The following AARSD1 variants were observed in gnomAD, a reference collection of about 807,000 sequenced individuals.
AARSD1 encodes the protein alanyl-tRNA synthetase domain containing 1.
Under a neutral mutation model 48.7 loss-of-function variants are expected in AARSD1, and 44 were observed. The observed-to-expected ratio is 0.90, with a 90% CI of 0.71 to 1.16. The LOEUF is 1.16. Ranked by LOEUF, AARSD1 falls within the 50% of genes most tolerant of loss-of-function variation. The pLI, the probability that AARSD1 is intolerant of heterozygous loss-of-function variation, is 0.00. For missense variants in AARSD1, 511 were observed against 523.1 expected (o/e 0.98, Z 0.23); for synonymous variants, 189 against 194.9 (o/e 0.97, Z 0.25).
In AARSD1 at chr17:42,954,806, T is replaced by C. The variant is rs554534421; in HGVS notation, c.953+70A>G. On this transcript the variant is annotated intron_variant, in intron 9 of 11. Transcript: ENST00000427569. ...AATCCACCTCCCACTGTACATTGCA[T>C]ATAGAGAAGACACTGAGCCCTAAGC... The C allele has an allele frequency of 2.0e-5, 31 of 1,518,444 alleles. No homozygotes were observed. The African/African-American group carries it at 4.0e-4, about 19-fold the overall frequency. 94.1% of individuals were successfully genotyped at this position (1,518,444 alleles called of 1,614,324 possible).
chr17:42,950,795 C>G, intron 11 of AARSD1, 67 bp from the exon 12 acceptor site: 1 of 1,551,684 alleles, frequency 6.4e-7, no homozygotes, highest in Non-Finnish European at 8.6e-7. Context: ...AAGGGCAGCT[C>G]TGAGTCTTTT....
chr17:42,963,126 C>T (rs576514502), intron 2 of AARSD1, among the ~76,000 whole-genome samples: 31 of 151,640 alleles, frequency 2.0e-4, no homozygotes, highest in African/African-American at 6.0e-4. Flanking sequence ...CTGTCCCCCA[C>T]GCTGAAGTGC....
Position 42,961,188 on chromosome 17 carries a change from T to C in AARSD1, c.331+4A>G. ...GGTGTTATGTCCCCCATCCCAGCCT[T>C]TACCTGAATGCTGCTGCATGTGGTC... On this transcript the variant is annotated splice_donor_region_variant and intron_variant, in intron 3 of 11. Transcript: ENST00000427569. 1 of 1,608,324 alleles carries C rather than the reference T, an allele frequency of 6.2e-7. No homozygotes were observed. The highest frequency in any genetic ancestry group is 1.7e-5 in the Admixed American group (1 of 59,282).
chr17:42,964,324 C>G (rs1258285444), intron 1 of AARSD1, 78 bp downstream of exon 1: 186 of 1,595,108 alleles, frequency 1.2e-4, no homozygotes, highest in Non-Finnish European at 1.5e-4. Context: ...CATGTTGGCA[C>G]TCCCTACACG....
chr17:42,959,294 C>A (rs1404995371), intron 3 of AARSD1, among the ~76,000 whole-genome samples: 1 of 151,444 alleles, frequency 6.6e-6, no homozygotes, highest in Admixed American at 6.6e-5. Flanking sequence ...TCTCAGCTCA[C>A]TGCCACCTCT....
chr17:42,957,169 C>A lies in AARSD1; in HGVS notation c.358G>T (p.Asp120Tyr). 6.2e-7 allele frequency: 1 copy of A among 1,613,712 alleles called. No individual in the cohort carries two copies. Among genetic ancestry groups the A allele is most frequent in the South Asian group, 1.1e-5 (1 of 91,042 alleles). ...SGQHLITAVA[D>Y]HLFKLKTTSW... is the part of the protein sequence containing the mutation. Reference sequence around the variant, plus strand: ...GTTGTCTTCAGCTTAAATAGATGGTCAGCAACTGCCGTGATGAGATGCTGC... The same window carrying A: ...GTTGTCTTCAGCTTAAATAGATGGTAAGCAACTGCCGTGATGAGATGCTGC... The change falls in exon 4 of 12, where the codon GAC (aspartate) becomes TAC (tyrosine). Residue 120 changes from aspartate to tyrosine, a missense_variant. Coordinates refer to ENST00000427569, the MANE Select transcript of AARSD1 (RefSeq NM_001261434.2).
In AARSD1 at chr17:42,956,556, A is replaced by G; in HGVS notation, c.394T>C (p.Leu132=). The stretch of plus-strand genomic sequence containing the variant: ...TCAATCGCACTCCGAAATCTCCCTA[A>G]CTCCCTGTCAGAAGTACAGTGGCCA... ...LFKLKTTSWE[L]GRFRSAIELD... The change falls in exon 5 of 12, where the codon TTA becomes CTA. Residue 132 remains leucine, a synonymous_variant. Transcript: ENST00000427569. 6.2e-7 allele frequency: 1 copy of G among 1,606,956 alleles called. No individual in the cohort carries two copies. The highest frequency in any genetic ancestry group is 8.5e-7 in the Non-Finnish European group (1 of 1,176,776).
intron 3 of AARSD1, among the ~76,000 whole-genome samples, chr17:42,958,774 C>G (rs2049592292): frequency 6.6e-6 from 1 of 151,114 alleles, no homozygotes; most frequent in Non-Finnish European, 1.5e-5. Flanking sequence ...ACCATGTTGA[C>G]CAGGTTGGTC....
chr17:42,955,803 A>G, intron 7 of AARSD1, 39 bp downstream of exon 7: 1 of 1,612,440 alleles, frequency 6.2e-7, no homozygotes, highest in South Asian at 1.1e-5. Context: ...CGAAAATCTC[A>G]GAAATGGGAG....
chr17:42,955,031 C>CCTCCACCTCATTCTCCCCTCA, intron 8 of AARSD1, 64 bp from the exon 9 acceptor site: 1 of 1,610,476 alleles, frequency 6.2e-7, no homozygotes, highest in Non-Finnish European at 8.5e-7. Context: ...TATCAGCTTC[C>CCTCCACCTCATTCTCCCCTCA]CTCCACCTCA....
intron 2 of AARSD1, chr17:42,962,280 C>G (rs1376307448): frequency 6.0e-6 from 1 of 167,226 alleles, no homozygotes; most frequent in Non-Finnish European, 1.2e-5. Flanking sequence ...AGCCTGGCAA[C>G]AGAGCAAGAC....
intron 4 of AARSD1, 96 bp downstream of exon 4, chr17:42,957,042 C>A: frequency 1.3e-6 from 2 of 1,493,324 alleles, no homozygotes; most frequent in Non-Finnish European, 1.8e-6. Context: ...CTCACCACAG[C>A]CTTAATCTCC....
At chr17:42,963,671 T>G (rs1040268734) in intron 2 of AARSD1, among the ~76,000 whole-genome samples, 2 of 152,090 alleles carry the variant, frequency 1.3e-5, no homozygotes, top group African/African-American at 4.8e-5. Flanking sequence ...GCACCTGCTA[T>G]TCTACCTGCC....
chr17:42,952,675 AAAACAAAC>A (rs568954502), intron 10 of AARSD1, among the ~76,000 whole-genome samples: 2 of 152,060 alleles, frequency 1.3e-5, no homozygotes, highest in Non-Finnish European at 2.9e-5. Flanking sequence ...GTCTCTGAAA[AAAACAAAC>A]AAACAAACAA....
Position 42,961,423 on chromosome 17 carries a change from T to C in AARSD1, c.172-72A>G, listed in dbSNP as rs989154537. ...CTAACTTCTAGGTACAAAGACCCTC[T>C]AGGGTGAGAGACCCAGAATCTGGGC... On this transcript the variant is annotated intron_variant, in intron 2 of 11. Coordinates refer to ENST00000427569, the MANE Select transcript of AARSD1 (RefSeq NM_001261434.2). 5.6e-6 allele frequency: 9 copies of C among 1,599,310 alleles called. No homozygotes were observed. In the East Asian group the frequency reaches 2.0e-4, roughly 36 times the overall value.
intron 9 of AARSD1, 107 bp from the exon 10 acceptor site, chr17:42,953,885 TA>T (rs2049511771): frequency 3.6e-6 from 5 of 1,371,628 alleles, no homozygotes; most frequent in Non-Finnish European, 5.2e-6. Flanking sequence ...TATGTACACA[TA>T]AAGTCCCATA....
intron 10 of AARSD1, among the ~76,000 whole-genome samples, chr17:42,952,431 C>T (rs1567714673): frequency 6.6e-6 from 1 of 152,168 alleles, no homozygotes; most frequent in Non-Finnish European, 1.5e-5. Flanking sequence ...TCAGTTCTGT[C>T]TATACAGAAG....
rs910133125 is a variant in AARSD1, at chr17:42,953,661, C to T, written c.1008+63G>A. 7.4e-6 allele frequency: 12 copies of T among 1,612,230 alleles called. No homozygotes were observed. The South Asian group carries it at 1.2e-4, about 16-fold the overall frequency. Reference sequence around the variant, plus strand: ...GAGGGACTTTGGCTAAACTAGCGCCCCTCACTTATGTCTCCCTAGGTCTCT... The same window carrying T: ...GAGGGACTTTGGCTAAACTAGCGCCTCTCACTTATGTCTCCCTAGGTCTCT... On this transcript the variant is annotated intron_variant, in intron 10 of 11. Transcript: ENST00000427569.
chr17:42,964,435 C>G lies in AARSD1; in HGVS notation c.6G>C (p.Ala2=). The G allele has an allele frequency of 6.4e-7, 1 of 1,550,806 alleles. No homozygotes were observed. Among genetic ancestry groups the G allele is most frequent in the Non-Finnish European group, 8.7e-7 (1 of 1,147,032 alleles). M[A]FWCQRDSYAR... ...CATAACTGTCACGCTGACACCAGAA[C>G]GCCATACCTGCAGGCGTGTGAGGAG... is the stretch of plus-strand genomic sequence containing the variant. Residue 2 remains alanine (A), a synonymous_variant, in exon 1 of 12, where the codon GCG becomes GCC. Transcript: ENST00000427569.
Sources: gnomAD v4.1 joint callset for allele counts (sites outside exome capture counted in the v4.1 genomes callset) on GRCh38, gnomAD v4.1.1 for gene constraint, MANE v1.5 for transcripts, NCBI Gene and HGNC (gene_info 2026-07-23, HGNC 2026-07-21) for gene names.